The following PHC1 variants were observed in gnomAD, a reference collection of about 807,000 sequenced individuals.
PHC1 encodes polyhomeotic-like protein 1.
A neutral mutation model predicts 104.3 loss-of-function variants in PHC1; 12 were observed. The observed-to-expected ratio is 0.12, with a 90% CI of 0.07 to 0.19. The LOEUF (loss-of-function observed/expected upper bound fraction) is 0.19, where lower values mean the gene tolerates loss of function less well. Among genes scored for constraint, PHC1 ranks in the 10% least tolerant of loss-of-function variants. The pLI is 1.00. For missense variants in PHC1, 671 were observed against 1,200.0 expected, an observed-to-expected ratio of 0.56 and a Z score of 6.51; for synonymous variants, 302 against 455.8, an observed-to-expected ratio of 0.66 and a Z score of 4.30.
At chr12:8,931,994 C>A (rs1294262848) in intron 7 of PHC1, among the ~76,000 whole-genome samples, 1 of 152,182 alleles carries the variant, frequency 6.6e-6, no homozygotes, top group Admixed American at 6.5e-5. Flanking sequence ...TGAGTTAGGT[C>A]AGAGCTGACA....
chr12:8,917,849 A>AT, intron 2 of PHC1, 58 bp downstream of exon 2: 1 of 864,270 alleles, frequency 1.2e-6, no homozygotes, highest in Non-Finnish European at 1.8e-6. Flanking sequence ...GTAGGCAGTG[A>AT]TGCTGGAAAA....
At position 8,932,657 on chromosome 12, in the gene PHC1, C is replaced by T. The variant is rs1462228649; in HGVS notation, c.1200C>T (p.Ala400=). 6.2e-7 allele frequency: 1 copy of T among 1,614,158 alleles called. No individual in the cohort carries two copies. The highest frequency in any genetic ancestry group is 8.5e-7 in the Non-Finnish European group (1 of 1,179,972). The change falls in exon 8 of 15, where the codon GCC becomes GCT. Residue 400 remains alanine (A), a synonymous_variant. Coordinates refer to ENST00000544916, the MANE Select transcript of PHC1 (RefSeq NM_004426.3). ...AGGTGGTGATCCAGCAGCAGATTGCCATCCACCACCAGCAGCAGTTCCAGC... is the reference window on the plus strand; with the variant it reads ...AGGTGGTGATCCAGCAGCAGATTGCTATCCACCACCAGCAGCAGTTCCAGC... ...QKQVVIQQQI[A]IHHQQQFQHR...
At chr12:8,932,167 G>T (rs1345189421) in intron 7 of PHC1, among the ~76,000 whole-genome samples, 3 of 152,244 alleles carry the variant, frequency 2.0e-5, no homozygotes, top group African/African-American at 4.8e-5. Context: ...TTTTAGGGAT[G>T]TGAAAATGAA....
At chr12:8,933,475 GCTT>G (rs1945748937) in intron 8 of PHC1, 125 bp downstream of exon 8, 6 of 1,174,404 alleles carry the variant, frequency 5.1e-6, no homozygotes, top group Middle Eastern at 2.0e-4. Flanking sequence ...GTATTTATCT[GCTT>G]CTTCTGTAAG....
chr12:8,919,689 C>T lies in PHC1; in HGVS notation c.115-67C>T. The T allele has an allele frequency of 6.8e-7, 1 of 1,467,830 alleles. No homozygotes were observed. Among genetic ancestry groups the T allele is most frequent in the South Asian group, 1.2e-5 (1 of 81,652 alleles). 90.9% of individuals were successfully genotyped at this position (1,467,830 alleles called of 1,614,324 possible). A position where few individuals can be genotyped will look rare whatever the true frequency, so the allele number is the denominator to read the frequency against. On this transcript the variant is annotated intron_variant, in intron 2 of 14. Coordinates refer to ENST00000544916, the MANE Select transcript of PHC1 (RefSeq NM_004426.3). This position sits in a 1 kb window ranked among gnomAD's most constrained non-coding sequence, Gnocchi z 4.9. ...CCCATGGCCCCCTTTCACACAAATA[C>T]AGTGATTTACATAGAATAGGAGCTA...
rs1465682289 is a variant in PHC1 at position 8,937,847 on chromosome 12, C to T, written c.2647C>T (p.Arg883Trp). The change falls in exon 14 of 15, where the codon CGG (arginine) becomes TGG (tryptophan). Residue 883 changes from arginine to tryptophan, a missense_variant. Transcript: ENST00000544916. ...CCTATAGGGTCAAGAAGACTCTAGCCGGGGTTCAGATAATTCCAGTTATGA... is the reference window on the plus strand; with the variant it reads ...CCTATAGGGTCAAGAAGACTCTAGCTGGGGTTCAGATAATTCCAGTTATGA... ...KCHRGQEDSS[R>W]GSDNSSYDEA... 8.7e-6 allele frequency: 14 copies of T among 1,612,296 alleles called. No homozygotes were observed. Among genetic ancestry groups the T allele is most frequent in the South Asian group, 1.1e-5 (1 of 90,998 alleles).
Position 8,919,696 on chromosome 12 carries a change from T to C in PHC1, c.115-60T>C. ...CCCCCTTTCACACAAATACAGTGAT[T>C]TACATAGAATAGGAGCTAGGAGTGG... is the stretch of plus-strand genomic sequence containing the variant. On this transcript the variant is annotated intron_variant, in intron 2 of 14. Transcript: ENST00000544916. This position sits in a 1 kb window ranked among gnomAD's most constrained non-coding sequence, Gnocchi z 4.9. 1.3e-6 allele frequency: 2 copies of C among 1,506,310 alleles called. No homozygotes were observed. Among genetic ancestry groups the C allele is most frequent in the South Asian group, 1.2e-5 (1 of 83,662 alleles). 93.3% of individuals were successfully genotyped at this position (1,506,310 alleles called of 1,614,324 possible).
intron 14 of PHC1, 37 bp from the exon 15 acceptor site, chr12:8,939,268 T>C (rs910902983): frequency 6.2e-7 from 1 of 1,612,410 alleles, no homozygotes. Context: ...TCTCCTATCA[T>C]CTGGCATTAC....
rs1805778 is a variant in PHC1 at position 8,930,259 on chromosome 12, A to G, written c.613-176A>G. Among the ~76,000 whole-genome samples, 130,976 of 152,216 alleles carry G rather than the reference A, an allele frequency of 0.86. 57,608 individuals are homozygous for G. The highest frequency in any genetic ancestry group is 0.97 in the South Asian group (4,682 of 4,826). On this transcript the variant is annotated intron_variant, in intron 6 of 14. Transcript: ENST00000544916. Reference sequence around the variant, plus strand: ...TGAAGATGGCTGAAGAATCAGATACAGAGCCAGAGTTCCTCCTTAGGAGGT... The same window carrying G: ...TGAAGATGGCTGAAGAATCAGATACGGAGCCAGAGTTCCTCCTTAGGAGGT...
intron 6 of PHC1, among the ~76,000 whole-genome samples, chr12:8,924,298 G>A (rs1309572590): frequency 6.6e-6 from 1 of 152,082 alleles, no homozygotes; most frequent in Non-Finnish European, 1.5e-5. Flanking sequence ...CCAATATGGT[G>A]AAACCCTGTC....
At chr12:8,938,360 AT>A (rs913127074) in intron 14 of PHC1, among the ~76,000 whole-genome samples, 9 of 149,712 alleles carry the variant, frequency 6.0e-5, no homozygotes, top group Admixed American at 2.0e-4. Context: ...TGGGGAAAAA[AT>A]TTTTTTTTTC....
At chr12:8,934,529 TG>T in intron 10 of PHC1, 51 bp downstream of exon 10, 3 of 1,375,024 alleles carry the variant, frequency 2.2e-6, no homozygotes, top group Non-Finnish European at 3.0e-6. Context: ...TTGGTCTGAT[TG>T]TTGTCTTTTC....
Position 8,919,921 on chromosome 12 carries a change from G to T in PHC1, c.225+55G>T, listed in dbSNP as rs1411164962. The T allele has an allele frequency of 1.9e-6, 3 of 1,571,094 alleles. No individual in the cohort carries two copies. The African/African-American group carries it at 4.0e-5, about 21-fold the overall frequency. On this transcript the variant is annotated intron_variant, in intron 3 of 14. Transcript: ENST00000544916. The surrounding 1 kb of genome is among the most constrained non-coding windows in gnomAD (Gnocchi z 4.9). ...AGGGAGGGGACAGGCACTACAGGTG[G>T]GTAGGGGAGATTTTTTGGGCATATA...
At chr12:8,925,000 T>C (rs1395826477) in intron 6 of PHC1, among the ~76,000 whole-genome samples, 2 of 152,138 alleles carry the variant, frequency 1.3e-5, no homozygotes, top group Non-Finnish European at 2.9e-5. Context: ...ACGAGTGAGG[T>C]TGGTTCCATT....
In PHC1 at chr12:8,919,671, C is replaced by T. The variant is rs1004334129; in HGVS notation, c.115-85C>T. 10 of 1,325,406 alleles carry T rather than the reference C, an allele frequency of 7.5e-6. No individual in the cohort carries two copies. The East Asian group carries it at 2.0e-4, about 26-fold the overall frequency. 82.1% of individuals were successfully genotyped at this position (1,325,406 alleles called of 1,614,324 possible). A position where few individuals can be genotyped will look rare whatever the true frequency, so the allele number is the denominator to read the frequency against. ...CCTCTGGTTTCTGTCCTTCCCATGGCCCCCTTTCACACAAATACAGTGATT... is the reference window on the plus strand; with the variant it reads ...CCTCTGGTTTCTGTCCTTCCCATGGTCCCCTTTCACACAAATACAGTGATT... On this transcript the variant is annotated intron_variant, in intron 2 of 14. Coordinates refer to ENST00000544916, the MANE Select transcript of PHC1 (RefSeq NM_004426.3). The surrounding 1 kb of genome is among the most constrained non-coding windows in gnomAD (Gnocchi z 4.9).
chr12:8,933,491 A>C (rs1945749353), intron 8 of PHC1, 141 bp downstream of exon 8: 10 of 1,077,512 alleles, frequency 9.3e-6, no homozygotes, highest in Non-Finnish European at 1.3e-5. Context: ...TCTGTAAGAG[A>C]GTGACACATT....
chr12:8,934,484 G>A lies in PHC1; in HGVS notation c.2253+6G>A, dbSNP rs1171994646. 1 of 1,610,360 alleles carries A rather than the reference G, an allele frequency of 6.2e-7. No individual in the cohort carries two copies. The highest frequency in any genetic ancestry group is 1.3e-5 in the African/African-American group (1 of 74,950). ...AAGGAGCAGAACCTTTCCCGGTGAG[G>A]GCAGGGCCATAAGGTGGGACTTTGA... On this transcript the variant is annotated splice_donor_region_variant and intron_variant, in intron 10 of 14. Coordinates refer to ENST00000544916, the MANE Select transcript of PHC1 (RefSeq NM_004426.3).
At position 8,940,519 on chromosome 12, in the gene PHC1, C is replaced by T; in HGVS notation, c.*1060C>T. 1 of 115,616 alleles carries T rather than the reference C, an allele frequency of 8.6e-6. No homozygotes were observed. The highest frequency in any genetic ancestry group is 1.8e-5 in the Non-Finnish European group (1 of 54,534). 7.2% of individuals were successfully genotyped at this position (115,616 alleles called of 1,614,324 possible). On this transcript the variant is annotated 3_prime_UTR_variant, in exon 15 of 15. Transcript: ENST00000544916. ...TTTCCCTGTTTAGAAAGAAAAAAAT[C>T]ACTCCAATAGTATTGAAAAGTCCAA...
In PHC1 at chr12:8,921,003, C is replaced by T. The variant is rs1477072211; in HGVS notation, c.244C>T (p.Arg82Trp). ...AVQQATIAAS[R>W]QASSPNTSTT... The stretch of plus-strand genomic sequence containing the variant: ...TTAATAGGCCACAATTGCTGCCAGT[C>T]GGCAGGCCAGCTCCCCAAACACCAG... Residue 82 changes from arginine (R) to tryptophan (W), a missense_variant, in exon 4 of 15, where the codon CGG (arginine) becomes TGG (tryptophan). Physicochemically the swap from Arg to Trp is moderately radical, Grantham distance 101. Around this residue, in one of 9 missense-constraint regions of PHC1, gnomAD observed 237 missense variants for 331.1 expected, o/e 0.72. Coordinates refer to ENST00000544916, the MANE Select transcript of PHC1 (RefSeq NM_004426.3). The T allele has an allele frequency of 1.9e-6, 3 of 1,612,796 alleles. No individual in the cohort carries two copies. The highest frequency in any genetic ancestry group is 1.7e-6 in the Non-Finnish European group (2 of 1,179,592).
Sources: allele counts gnomAD v4.1 joint callset (sites outside exome capture counted in the v4.1 genomes callset), GRCh38; gene constraint gnomAD v4.1.1; regional missense constraint gnomAD v4.1.1; non-coding constraint Gnocchi (gnomAD v3.1); transcripts MANE v1.5; gene names NCBI Gene and HGNC (gene_info 2026-07-23, HGNC 2026-07-21).